RCCD1: variants seen among roughly 807,000 people sequenced by gnomAD.
RCCD1 encodes RCC1 domain containing 1.
In RCCD1, 40 loss-of-function variants were observed where a neutral mutation model predicts 37.6. The ratio of observed to expected loss-of-function variants is 1.06; its 90% CI spans 0.83 to 1.39. The LOEUF is 1.39. Among genes scored for constraint, RCCD1 ranks in the 40% most tolerant of loss-of-function variants. The probability of loss-of-function intolerance (pLI) is 0.00; values close to 1 mark genes in which losing one functional copy is unlikely to be tolerated. For synonymous variants in RCCD1, 263 were observed against 230.0 expected, an observed-to-expected ratio of 1.14 and a Z score of -1.30; for missense variants, 577 against 517.3, an observed-to-expected ratio of 1.12 and a Z score of -1.12.
At chr15:90,960,757 C>T (rs925978004) in intron 6 of RCCD1, 14 of 611,142 alleles carry the variant, frequency 2.3e-5, no homozygotes, top group Admixed American at 8.5e-5. Context: ...TGCCCGCCGC[C>T]GCCTCTGACA....
Position 90,956,680 on chromosome 15 carries a change from A to G in RCCD1, c.-55A>G. 1 of 1,239,666 alleles carries G rather than the reference A, an allele frequency of 8.1e-7. No individual in the cohort carries two copies. Among genetic ancestry groups the G allele is most frequent in the Non-Finnish European group, 1.0e-6 (1 of 991,044 alleles). The allele number at this position is 1,239,666 out of a possible 1,614,324, so 76.8% of individuals were successfully genotyped here. On this transcript the variant is annotated 5_prime_UTR_variant, in exon 2 of 8. Coordinates refer to ENST00000394258, the MANE Select transcript of RCCD1 (RefSeq NM_001017919.2). ...TCCCACTAGCGGGCTCTTCGCAAGAATCCCCCCGGGCCCGCCGCAGCCAGG... is the reference window on the plus strand; with the variant it reads ...TCCCACTAGCGGGCTCTTCGCAAGAGTCCCCCCGGGCCCGCCGCAGCCAGG...
At chr15:90,957,819 C>T in intron 4 of RCCD1, 94 bp downstream of exon 4, 3 of 1,476,186 alleles carry the variant, frequency 2.0e-6, no homozygotes, top group Middle Eastern at 1.8e-4. Context: ...CCCAGGCCTC[C>T]TTCCAAATTC....
Position 90,961,598 on chromosome 15 carries a change from A to G in RCCD1, c.980-20A>G. On this transcript the variant is annotated intron_variant, in intron 7 of 7. Coordinates refer to ENST00000394258, the MANE Select transcript of RCCD1 (RefSeq NM_001017919.2). Reference sequence around the variant, plus strand: ...CAAGACCCAGTGGAGACGATGGCAAAGGGGCTGATTTCACTTTAGGTAAAT... The same window carrying G: ...CAAGACCCAGTGGAGACGATGGCAAGGGGGCTGATTTCACTTTAGGTAAAT... 1 of 1,605,540 alleles carries G rather than the reference A, an allele frequency of 6.2e-7. No individual in the cohort carries two copies. The highest frequency in any genetic ancestry group is 8.5e-7 in the Non-Finnish European group (1 of 1,174,728).
At position 90,960,012 on chromosome 15, in the gene RCCD1, C is replaced by T. The variant is rs139470494; in HGVS notation, c.778+14C>T. 17 of 1,597,640 alleles carry T rather than the reference C, an allele frequency of 1.1e-5. No individual in the cohort carries two copies. The highest frequency in any genetic ancestry group is 6.7e-5 in the African/African-American group (5 of 74,706). ...TCGCAAGGGAAGGTGAGGGTCATCT[C>T]GGCTCCCACAGCCGTCTCCCCAGGA... On this transcript the variant is annotated intron_variant, in intron 5 of 7. Coordinates refer to ENST00000394258, the MANE Select transcript of RCCD1 (RefSeq NM_001017919.2).
chr15:90,960,139 G>A, intron 5 of RCCD1, 141 bp downstream of exon 5: 1 of 922,926 alleles, frequency 1.1e-6, no homozygotes, highest in Non-Finnish European at 1.6e-6. Flanking sequence ...TGGCAAGGCT[G>A]ATGCCGGTCT....
Position 90,957,429 on chromosome 15 carries a change from C to T in RCCD1, c.483C>T (p.Arg161=), listed in dbSNP as rs751731851. The part of the protein sequence containing the change: ...YRPLAPELRA[R]QLELGAEHAL... ...CTCTGGCTCCGGAGCTGCGGGCACGCCAGCTGGAGCTGGGCGCCGAGCACG... is the reference window on the plus strand; with the variant it reads ...CTCTGGCTCCGGAGCTGCGGGCACGTCAGCTGGAGCTGGGCGCCGAGCACG... Residue 161 remains arginine, a synonymous_variant, in exon 3 of 8, where the codon CGC becomes CGT. Transcript: ENST00000394258. 4 of 1,539,040 alleles carry T rather than the reference C, an allele frequency of 2.6e-6. No individual in the cohort carries two copies. The highest frequency in any genetic ancestry group is 1.7e-4 in the Middle Eastern group (1 of 5,906).
rs553178621 is a variant in RCCD1, at chr15:90,958,456, G to A, written c.679+731G>A. On this transcript the variant is annotated intron_variant, in intron 4 of 7. Coordinates refer to ENST00000394258, the MANE Select transcript of RCCD1 (RefSeq NM_001017919.2). ...AGCCTGACCAACATGGTGAAACCCC[G>A]TCTCTAAAAAAAAATACAAAAATTA... Among the ~76,000 whole-genome samples the A allele has an allele frequency of 3.3e-5, 5 of 151,832 alleles. No homozygotes were observed. The East Asian group carries it at 5.8e-4, about 18-fold the overall frequency.
Position 90,962,154 on chromosome 15 carries a change from ATTC to A in RCCD1, c.*388_*390del, listed in dbSNP as rs1490530601. The A allele has an allele frequency of 6.1e-6, 1 of 164,052 alleles. No homozygotes were observed. The highest frequency in any genetic ancestry group is 5.8e-5 in the Admixed American group (1 of 17,242). The allele number at this position is 164,052 out of a possible 1,614,324, so 10.2% of individuals were successfully genotyped here. ...TCCCTGCTTTCGTTTGAATTTTACC[ATTC>A]TTGTATGCAGCCTTATACGACATAG... is the stretch of plus-strand genomic sequence containing the variant. On this transcript the variant is annotated 3_prime_UTR_variant, in exon 8 of 8. Transcript: ENST00000394258.
Position 90,956,616 on chromosome 15 carries a change from G to T in RCCD1, c.-119G>T. On this transcript the variant is annotated 5_prime_UTR_variant, in exon 2 of 8. In the 5' UTR this introduces an upstream ATG that the reference lacks. Coordinates refer to ENST00000394258, the MANE Select transcript of RCCD1 (RefSeq NM_001017919.2). ...GATAGTTTCTCCATTTTACAGATAA[G>T]GCAGCTCCAGCCCCTGGAAGGCCAG... 1.1e-6 allele frequency: 1 copy of T among 950,098 alleles called. No homozygotes were observed. Among genetic ancestry groups the T allele is most frequent in the Non-Finnish European group, 1.4e-6 (1 of 731,722 alleles). The allele number at this position is 950,098 out of a possible 1,614,324, so 58.9% of individuals were successfully genotyped here. A position where few individuals can be genotyped will look rare whatever the true frequency, so the allele number is the denominator to read the frequency against.
intron 4 of RCCD1, among the ~76,000 whole-genome samples, 168 bp downstream of exon 4, chr15:90,957,893 G>A (rs1247444346): frequency 6.6e-6 from 1 of 152,174 alleles, no homozygotes; most frequent in Non-Finnish European, 1.5e-5. Flanking sequence ...TCCTCTGCCT[G>A]CACCATGGCC....
At position 90,957,177 on chromosome 15, in the gene RCCD1, G is replaced by T; in HGVS notation, c.231G>T (p.Trp77Cys). ...CGGCGGGCCGCTGCAAGGACGCGTG[G>T]GCCTCGGAGGGGCTCCTCGCGGTGC... ...SGAAGRCKDA[W>C]ASEGLLAVLR... The change falls in exon 3 of 8, where the codon TGG becomes TGT. Residue 77 changes from tryptophan (W) to cysteine (C), a missense_variant. Physicochemically the swap from Trp to Cys is radical, Grantham distance 215. Transcript: ENST00000394258. The T allele has an allele frequency of 7.2e-7, 1 of 1,381,550 alleles. No homozygotes were observed. The highest frequency in any genetic ancestry group is 1.7e-5 in the South Asian group (1 of 59,912). The allele number at this position is 1,381,550 out of a possible 1,614,324, so 85.6% of individuals were successfully genotyped here. A position where few individuals can be genotyped will look rare whatever the true frequency, so the allele number is the denominator to read the frequency against.
rs1188507294 is a variant in RCCD1, at chr15:90,957,315, C to G, written c.369C>G (p.Asp123Glu). 6.5e-7 allele frequency: 1 copy of G among 1,539,552 alleles called. No individual in the cohort carries two copies. Among genetic ancestry groups the G allele is most frequent in the Non-Finnish European group, 8.8e-7 (1 of 1,141,122 alleles). ...TGGTGCCCGAGGCCGAAGGGGAAGA[C>G]GATCCGGCCGGTGAGGCCCAGGCTG... Reference protein sequence around the residue: ...QNVVPEAEGEDDPAGEAQAGR... With the variant: ...QNVVPEAEGEEDPAGEAQAGR... The change falls in exon 3 of 8, where the codon GAC (aspartate) becomes GAG (glutamate). Residue 123 changes from aspartate to glutamate, a missense_variant. Asp to Glu is a conservative substitution (Grantham distance 45). Transcript: ENST00000394258.
At chr15:90,961,230 G>A (rs2037308572) in intron 7 of RCCD1, 176 bp downstream of exon 7, 2 of 632,264 alleles carry the variant, frequency 3.2e-6, no homozygotes, top group Non-Finnish European at 5.6e-6. Context: ...CGCTCAGTCC[G>A]AGGCCAGACA....
intron 1 of RCCD1, chr15:90,955,403 C>T (rs1567166916): frequency 2.6e-5 from 4 of 152,264 alleles, no homozygotes; most frequent in Admixed American, 6.5e-5. Flanking sequence ...CAAGGCTGCC[C>T]ACCAGAAGGA....
chr15:90,957,121 C>T lies in RCCD1; in HGVS notation c.175C>T (p.Arg59Cys). Residue 59 changes from arginine to cysteine, a missense_variant, in exon 3 of 8, where the codon CGC (arginine) becomes TGC (cysteine). Transcript: ENST00000394258. ...SYTAFVTRGG[R>C]LELSGSASGA... ...TCCAATCCGCCCCGCAGGTGGAGGC[C>T]GCTTGGAGCTGTCGGGCTCAGCCAG... The T allele has an allele frequency of 7.4e-7, 1 of 1,345,722 alleles. No individual in the cohort carries two copies. Among genetic ancestry groups the T allele is most frequent in the Non-Finnish European group, 9.5e-7 (1 of 1,054,168 alleles). The allele number at this position is 1,345,722 out of a possible 1,614,324, so 83.4% of individuals were successfully genotyped here. A position where few individuals can be genotyped will look rare whatever the true frequency, so the allele number is the denominator to read the frequency against.
At chr15:90,961,572 G>A (rs772860916) in intron 7 of RCCD1, 46 bp from the exon 8 acceptor site, 1 of 1,578,788 alleles carries the variant, frequency 6.3e-7, no homozygotes, top group East Asian at 2.2e-5. Context: ...GAAAGCAGCA[G>A]CAAGACCCAG....
At chr15:90,961,392 C>G in intron 7 of RCCD1, 3 of 586,544 alleles carry the variant, frequency 5.1e-6, no homozygotes, top group Admixed American at 3.1e-5. Context: ...CTCTGAACAT[C>G]TTAGCTTGGA....
At chr15:90,960,637 C>T (rs1398335015) in intron 6 of RCCD1, 139 bp downstream of exon 6, 36 of 793,992 alleles carry the variant, frequency 4.5e-5, no homozygotes, top group Non-Finnish European at 5.6e-5. Context: ...AAGCCCCAAC[C>T]CCCTTGTTGT....
At position 90,957,294 on chromosome 15, in the gene RCCD1, G is replaced by T. The variant is rs1051430784; in HGVS notation, c.348G>T (p.Val116=). Residue 116 remains valine (V), a synonymous_variant, in exon 3 of 8, where the codon GTG becomes GTT. Coordinates refer to ENST00000394258, the MANE Select transcript of RCCD1 (RefSeq NM_001017919.2). ...AGCCATTGTGGGCCCAGAATGTGGT[G>T]CCCGAGGCCGAAGGGGAAGACGATC... ...RGEPLWAQNV[V]PEAEGEDDPA... is the part of the protein sequence containing the mutation. 10 of 1,530,100 alleles carry T rather than the reference G, an allele frequency of 6.5e-6. No individual in the cohort carries two copies. Among genetic ancestry groups the T allele is most frequent in the Non-Finnish European group, 7.9e-6 (9 of 1,135,408 alleles). The allele number at this position is 1,530,100 out of a possible 1,614,324, so 94.8% of individuals were successfully genotyped here. A position where few individuals can be genotyped will look rare whatever the true frequency, so the allele number is the denominator to read the frequency against.
Sources: gnomAD v4.1 joint callset for allele counts (sites outside exome capture counted in the v4.1 genomes callset) on GRCh38, gnomAD v4.1.1 for gene constraint, MANE v1.5 for transcripts, NCBI Gene and HGNC (gene_info 2026-07-23, HGNC 2026-07-21) for gene names.